FILIP1L: variants seen among roughly 807,000 people sequenced by gnomAD.
The protein encoded by FILIP1L is filamin A-interacting protein 1-like.
FILIP1L carries 55 observed loss-of-function variants against 96.6 expected under a neutral mutation model. The observed-to-expected ratio is 0.57, with a 90% CI of 0.46 to 0.71. The LOEUF (loss-of-function observed/expected upper bound fraction) is 0.71. Among genes scored for constraint, FILIP1L ranks in the 30% least tolerant of loss-of-function variants. FILIP1L has a pLI of 0.00. For synonymous variants in FILIP1L, 467 were observed against 473.9 expected, an observed-to-expected ratio of 0.99 and a Z score of 0.19; for missense variants, 1,304 against 1,321.2, an observed-to-expected ratio of 0.99 and a Z score of 0.20.
At chr3:100,090,624 T>A (rs2066087914) in intron 1 of FILIP1L, among the ~76,000 whole-genome samples, 1 of 152,190 alleles carries the variant, frequency 6.6e-6, no homozygotes, top group Non-Finnish European at 1.5e-5. Context: ...CTTCCTGGTG[T>A]TGCAGTCGTG....
In FILIP1L at chr3:99,848,050, C is replaced by A. The variant is rs551073841; in HGVS notation, c.3381+245G>T. The A allele has an allele frequency of 5.6e-6, 7 of 1,259,982 alleles. No homozygotes were observed. In the East Asian group the frequency reaches 1.6e-4, roughly 28 times the overall value. 78.1% of individuals were successfully genotyped at this position (1,259,982 alleles called of 1,614,324 possible). A position where few individuals can be genotyped will look rare whatever the true frequency, so the allele number is the denominator to read the frequency against. The stretch of plus-strand genomic sequence containing the variant: ...AAAGATGTATTTATACAAGTGCAGA[C>A]TAAATATTTTCCATACAAGTATGTA... On this transcript the variant is annotated intron_variant, in intron 5 of 5. Coordinates refer to ENST00000477258, the MANE Select transcript of FILIP1L (RefSeq NM_001387850.1).
At chr3:100,018,936 A>G (rs891612747) in intron 1 of FILIP1L, among the ~76,000 whole-genome samples, 2 of 152,176 alleles carry the variant, frequency 1.3e-5, no homozygotes, top group African/African-American at 2.4e-5. Flanking sequence ...CAAGAGGTAT[A>G]TAAAAAGGTG....
Position 99,829,914 on chromosome 3 carries a change from C to T in FILIP1L, c.*500G>A, listed in dbSNP as rs61543863. 2.0e-5 allele frequency among the ~76,000 whole-genome samples: 3 copies of T among 152,236 alleles called. No individual in the cohort carries two copies. Among genetic ancestry groups the T allele is most frequent in the Non-Finnish European group, 2.9e-5 (2 of 68,008 alleles). ...ATCACTTTGCTTTTTCCCTCCTGGT[C>T]ATAAAGAAATCATAGTTTTAGACCT... On this transcript the variant is annotated 3_prime_UTR_variant, in exon 6 of 6. Coordinates refer to ENST00000477258, the MANE Select transcript of FILIP1L (RefSeq NM_001387850.1).
At chr3:100,016,017 AC>A (rs1559726280) in intron 1 of FILIP1L, among the ~76,000 whole-genome samples, 2 of 152,218 alleles carry the variant, frequency 1.3e-5, no homozygotes, top group Non-Finnish European at 2.9e-5. Context: ...CCTTAAAAGA[AC>A]ATGTGCTGAC....
intron 1 of FILIP1L, among the ~76,000 whole-genome samples, chr3:100,014,887 C>CTTTTTTTTTTTTTTTTTT (rs1559725867): frequency 7.4e-4 from 24 of 32,458 alleles, no homozygotes; most frequent in Admixed American, 7.7e-4. Context: ...TTTTTTTTTT[C>CTTTTTTTTTTTTTTTTTT]TTTCTTTCTT....
At chr3:99,877,659 G>GT (rs1487220254) in intron 4 of FILIP1L, among the ~76,000 whole-genome samples, 1 of 152,154 alleles carries the variant, frequency 6.6e-6, no homozygotes, top group Non-Finnish European at 1.5e-5. Flanking sequence ...AGTTTTGTTG[G>GT]TTTTAACTCT....
intron 1 of FILIP1L, among the ~76,000 whole-genome samples, chr3:99,965,342 T>C (rs1349023787): frequency 6.6e-6 from 1 of 152,224 alleles, no homozygotes; most frequent in African/African-American, 2.4e-5. Flanking sequence ...TTCTTACTGG[T>C]GCAGGCTGTC....
intron 1 of FILIP1L, among the ~76,000 whole-genome samples, chr3:99,937,968 GGA>G (rs1285783653): frequency 2.0e-5 from 3 of 152,152 alleles, no homozygotes; most frequent in African/African-American, 7.2e-5. Flanking sequence ...GAATTAAGGT[GGA>G]GACTCTCATA....
At chr3:99,846,432 G>A (rs1265747206) in intron 5 of FILIP1L, among the ~76,000 whole-genome samples, 1 of 152,150 alleles carries the variant, frequency 6.6e-6, no homozygotes, top group Non-Finnish European at 1.5e-5. Context: ...CATTATCATT[G>A]TCTGTTTTGA....
intron 1 of FILIP1L, among the ~76,000 whole-genome samples, chr3:99,999,485 TTA>T (rs1164413938): frequency 6.6e-6 from 1 of 152,288 alleles, no homozygotes; most frequent in East Asian, 1.9e-4. Context: ...TCGACAGACT[TTA>T]TTTAGAGTTG....
chr3:100,004,409 T>C (rs1709930308), intron 1 of FILIP1L, among the ~76,000 whole-genome samples: 1 of 152,108 alleles, frequency 6.6e-6, no homozygotes, highest in African/African-American at 2.4e-5. Flanking sequence ...TTTGTGTTCA[T>C]AAGAGAACTG....
At chr3:100,069,976 T>C (rs887067517) in intron 1 of FILIP1L, among the ~76,000 whole-genome samples, 6 of 152,364 alleles carry the variant, frequency 3.9e-5, no homozygotes, top group Admixed American at 3.9e-4. Flanking sequence ...TTTTCTCCTT[T>C]TTTTTCCTTT....
intron 1 of FILIP1L, among the ~76,000 whole-genome samples, chr3:100,092,396 A>G (rs1249080582): frequency 1.3e-5 from 2 of 152,070 alleles, no homozygotes; most frequent in Non-Finnish European, 2.9e-5. Context: ...ATGAACTGTA[A>G]TAAGATTTGT....
intron 5 of FILIP1L, 96 bp downstream of exon 5, chr3:99,848,199 A>T (rs1222031189): frequency 6.4e-7 from 1 of 1,564,002 alleles, no homozygotes; most frequent in East Asian, 2.2e-5. Context: ...GTCTTGGGGG[A>T]TATGGAGGGA....
At chr3:100,021,489 C>T (rs991872615) in intron 1 of FILIP1L, among the ~76,000 whole-genome samples, 2 of 152,102 alleles carry the variant, frequency 1.3e-5, no homozygotes, top group African/African-American at 4.8e-5. Context: ...GAGAAAATTC[C>T]TGTAATGTTT....
intron 1 of FILIP1L, among the ~76,000 whole-genome samples, chr3:100,101,986 T>C (rs2066315567): frequency 6.6e-6 from 1 of 152,226 alleles, no homozygotes; most frequent in Non-Finnish European, 1.5e-5. Flanking sequence ...TTCCATGGTG[T>C]ATATGTGCCA....
intron 5 of FILIP1L, among the ~76,000 whole-genome samples, chr3:99,847,108 ATTAC>A (rs1441416691): frequency 6.6e-6 from 1 of 152,082 alleles, no homozygotes; most frequent in African/African-American, 2.4e-5. Flanking sequence ...TTCACACTAT[ATTAC>A]TTCTTTCAAC....
intron 4 of FILIP1L, among the ~76,000 whole-genome samples, chr3:99,893,043 G>A (rs1314863642): frequency 6.6e-6 from 1 of 152,082 alleles, no homozygotes; most frequent in East Asian, 1.9e-4. Context: ...TAAGATGCAA[G>A]CATGATGCTC....
At chr3:99,908,146 C>T (rs946156113) in intron 4 of FILIP1L, among the ~76,000 whole-genome samples, 6 of 152,204 alleles carry the variant, frequency 3.9e-5, no homozygotes, top group Admixed American at 6.5e-5. Context: ...TGTGCTGTAT[C>T]ACTTTCATCT....
Sources: allele counts gnomAD v4.1 joint callset (sites outside exome capture counted in the v4.1 genomes callset), GRCh38; gene constraint gnomAD v4.1.1; transcripts MANE v1.5; gene names NCBI Gene and HGNC (gene_info 2026-07-23, HGNC 2026-07-21).